Variants in ENAH observed in about 807,000 individuals in gnomAD.
ENAH encodes protein enabled homolog.
In ENAH, 23 loss-of-function variants were observed where a neutral mutation model predicts 78.7. The ratio of observed to expected loss-of-function variants is 0.29; its 90% confidence interval spans 0.21 to 0.41. The LOEUF is 0.41. Ranked by LOEUF, ENAH falls within the 10% of genes least tolerant of loss-of-function variation. The pLI is 1.00. For missense variants in ENAH, 544 were observed against 691.0 expected, an observed-to-expected ratio of 0.79 and a Z score of 2.39; for synonymous variants, 226 against 241.0, an observed-to-expected ratio of 0.94 and a Z score of 0.58.
chr1:225,509,175 T>C, intron 10 of ENAH, among the ~76,000 whole-genome samples: 1 of 151,802 alleles, frequency 6.6e-6, no homozygotes, highest in East Asian at 1.9e-4. Flanking sequence ...AATAATCGGA[T>C]GGGGTTTGGG....
intron 1 of ENAH, among the ~76,000 whole-genome samples, chr1:225,613,456 G>A (rs949634422): frequency 6.6e-6 from 1 of 152,104 alleles, no homozygotes; most frequent in Non-Finnish European, 1.5e-5. Flanking sequence ...TATTTGTGAA[G>A]ATAATAAATA....
chr1:225,597,352 T>C (rs993880725), intron 1 of ENAH, among the ~76,000 whole-genome samples: 2 of 152,084 alleles, frequency 1.3e-5, no homozygotes, highest in African/African-American at 4.8e-5. Context: ...ACTGAGGAAT[T>C]GTTCTATATT....
chr1:225,514,602 C>T lies in ENAH; in HGVS notation c.1212G>A (p.Val404=), dbSNP rs2096402821. 6.2e-7 allele frequency: 1 copy of T among 1,611,582 alleles called. No individual in the cohort carries two copies. The highest frequency in any genetic ancestry group is 8.5e-7 in the Non-Finnish European group (1 of 1,179,728). Reference sequence around the variant, plus strand: ...TTTTCAGAAAGGTATTTACCCGTGACACTTTCCTAAGTTTTGCTCCGGCAA... The same window carrying T: ...TTTTCAGAAAGGTATTTACCCGTGATACTTTCCTAAGTTTTGCTCCGGCAA... ...AAIAGAKLRK[V]SRMEDTSFPS... is the part of the protein sequence containing the mutation. Residue 404 remains valine (V), a synonymous_variant, in exon 7 of 14, where the codon GTG becomes GTA. Transcript: ENST00000366843.
upstream of ENAH, among the ~76,000 whole-genome samples, chr1:225,653,577 G>A (rs1399519089): frequency 1.3e-5 from 2 of 152,048 alleles, no homozygotes; most frequent in Non-Finnish European, 2.9e-5. This position sits in a 1 kb window ranked among gnomAD's most constrained non-coding sequence, Gnocchi z 4.3. Context: ...GAGGCGCCGA[G>A]ACCTCCTGGG....
intron 4 of ENAH, among the ~76,000 whole-genome samples, chr1:225,525,134 T>C (rs2151215058): frequency 6.6e-6 from 1 of 152,340 alleles, no homozygotes; most frequent in South Asian, 2.1e-4. Flanking sequence ...TGTTTCTAAA[T>C]ACAGTAATTC....
chr1:225,594,636 AT>A (rs1216890970), intron 1 of ENAH, among the ~76,000 whole-genome samples: 1 of 152,198 alleles, frequency 6.6e-6, no homozygotes, highest in Non-Finnish European at 1.5e-5. Flanking sequence ...TCTATCTACA[AT>A]ATTAATATCT....
At chr1:225,612,743 A>C (rs1451790243) in intron 1 of ENAH, among the ~76,000 whole-genome samples, 1 of 152,184 alleles carries the variant, frequency 6.6e-6, no homozygotes, top group East Asian at 1.9e-4. Context: ...AATAATTCAT[A>C]TCTTTGCCCC....
chr1:225,569,035 T>C (rs1004109616), intron 1 of ENAH, among the ~76,000 whole-genome samples: 2 of 152,168 alleles, frequency 1.3e-5, no homozygotes, highest in African/African-American at 4.8e-5. Context: ...TTTTAAAAGA[T>C]AGATTAAAGG....
intron 1 of ENAH, among the ~76,000 whole-genome samples, chr1:225,626,722 C>CCT (rs1658013845): frequency 6.6e-6 from 1 of 152,198 alleles, no homozygotes; most frequent in Non-Finnish European, 1.5e-5. Flanking sequence ...TTTTGGAAAA[C>CCT]CAAGTGACTT....
intron 5 of ENAH, chr1:225,518,137 A>G (rs971318852): frequency 1.6e-6 from 1 of 642,018 alleles, no homozygotes; most frequent in East Asian, 2.8e-5. Flanking sequence ...ACAAACGCAA[A>G]TAACTATTTT....
intron 3 of ENAH, among the ~76,000 whole-genome samples, chr1:225,538,203 T>C (rs2096571515): frequency 6.6e-6 from 1 of 152,106 alleles, no homozygotes; most frequent in Non-Finnish European, 1.5e-5. Context: ...ATTTCTCTCA[T>C]GATTGCAAAG....
chr1:225,615,037 G>A (rs901827135), intron 1 of ENAH, among the ~76,000 whole-genome samples: 7 of 127,684 alleles, frequency 5.5e-5, no homozygotes, highest in Non-Finnish European at 9.6e-5. Context: ...CCCTCTCCCC[G>A]GTCTCCCTCT....
chr1:225,515,887 T>G (rs1017244163), intron 6 of ENAH, among the ~76,000 whole-genome samples: 5 of 152,346 alleles, frequency 3.3e-5, no homozygotes, highest in African/African-American at 4.8e-5. Context: ...GTGCCCATTT[T>G]GTACAGTATA....
intron 1 of ENAH, among the ~76,000 whole-genome samples, chr1:225,632,126 C>T (rs1659195883): frequency 1.3e-5 from 2 of 152,150 alleles, no homozygotes; most frequent in African/African-American, 4.8e-5. Flanking sequence ...TAGAGGTTTC[C>T]TCCTTTATTT....
chr1:225,579,439 G>A (rs1558848535), intron 1 of ENAH, among the ~76,000 whole-genome samples: 1 of 152,122 alleles, frequency 6.6e-6, no homozygotes, highest in African/African-American at 2.4e-5. Flanking sequence ...TAGAATATCA[G>A]ATTTTTTTAA....
chr1:225,512,928 G>T lies in ENAH; in HGVS notation c.1307C>A (p.Pro436His), dbSNP rs772344822. The T allele has an allele frequency of 5.6e-6, 9 of 1,613,846 alleles. No homozygotes were observed. Among genetic ancestry groups the T allele is most frequent in the Non-Finnish European group, 6.8e-6 (8 of 1,179,976 alleles). Residue 436 changes from proline to histidine, a missense_variant, in exon 8 of 14, where the codon CCC (proline) becomes CAC (histidine). This residue lies in a region of ENAH where 366 missense variants were observed against 396.1 expected (regional missense o/e 0.92). Transcript: ENST00000366843. Reference sequence around the variant, plus strand: ...TAAACCACTACCCCCTAAAGGAAGGGGTCCATTTCCACGGCCTGTATCTGT... The same window carrying T: ...TAAACCACTACCCCCTAAAGGAAGGTGTCCATTTCCACGGCCTGTATCTGT... ...SKTDTGRGNG[P>H]LPLGGSGLME...
At chr1:225,516,798 C>T (rs1033728489) in intron 6 of ENAH, among the ~76,000 whole-genome samples, 2 of 151,008 alleles carry the variant, frequency 1.3e-5, no homozygotes, top group African/African-American at 2.4e-5. Flanking sequence ...TGCTGGAACC[C>T]GGGAGGTGGA....
At chr1:225,596,614 T>C (rs1179153200) in intron 1 of ENAH, among the ~76,000 whole-genome samples, 1 of 152,230 alleles carries the variant, frequency 6.6e-6, no homozygotes, top group African/African-American at 2.4e-5. Context: ...AATAAAAGAC[T>C]AGAAATATTC....
At chr1:225,628,906 CAA>C (rs35601763) in intron 1 of ENAH, among the ~76,000 whole-genome samples, 13 of 68,502 alleles carry the variant, frequency 1.9e-4, no homozygotes, top group Non-Finnish European at 1.7e-4. Context: ...AACTCCGTCT[CAA>C]AAAAAAAAAA....
Sources: allele counts gnomAD v4.1 joint callset (sites outside exome capture counted in the v4.1 genomes callset), GRCh38; gene constraint gnomAD v4.1.1; regional missense constraint gnomAD v4.1.1; non-coding constraint Gnocchi (gnomAD v3.1); transcripts MANE v1.5; gene names NCBI Gene and HGNC (gene_info 2026-07-23, HGNC 2026-07-21).